The following KNG1 variants were observed in gnomAD, a reference collection of about 807,000 sequenced individuals.
KNG1 encodes the protein kininogen 1.
In KNG1, 23 loss-of-function variants were observed where a neutral mutation model predicts 47.8. The observed-to-expected ratio is 0.48, with a 90% CI of 0.35 to 0.68. KNG1 has a LOEUF of 0.68. Among genes scored for constraint, KNG1 ranks in the 30% least tolerant of loss-of-function variants. KNG1 has a pLI of 0.01. For missense variants in KNG1, 762 were observed against 790.2 expected (o/e 0.96, Z 0.43); for synonymous variants, 277 against 277.0 (o/e 1.00, Z 0.00).
At position 186,720,533 on chromosome 3, in the gene KNG1, G is replaced by C. The variant is rs903185634; in HGVS notation, c.306+318G>C. On this transcript the variant is annotated intron_variant, in intron 2 of 9. Coordinates refer to ENST00000644859, the MANE Select transcript of KNG1 (RefSeq NM_001102416.3). The stretch of plus-strand genomic sequence containing the variant: ...CAAGCCAAAGAGCTGGCGAGGGGAG[G>C]GGGTGGGTGCTTCCATTGCACAACG... 6.8e-5 allele frequency: 24 copies of C among 354,652 alleles called. No homozygotes were observed. The East Asian group carries it at 8.8e-4, about 13-fold the overall frequency. The allele number at this position is 354,652 out of a possible 1,614,324, so 22.0% of individuals were successfully genotyped here. A position where few individuals can be genotyped will look rare whatever the true frequency, so the allele number is the denominator to read the frequency against.
At chr3:186,720,557 C>T (rs2689197) in intron 2 of KNG1, 145,504 of 346,178 alleles carry the variant, frequency 0.42, 32,601 homozygotes, top group South Asian at 0.6. Flanking sequence ...CATTGCACAA[C>T]GTTAAGTGCA....
intron 7 of KNG1, among the ~76,000 whole-genome samples, chr3:186,733,056 G>T (rs1239405747): frequency 2.6e-5 from 4 of 152,046 alleles, no homozygotes; most frequent in Non-Finnish European, 4.4e-5. Context: ...GACCATCCTG[G>T]CCAACATGGT....
intron 1 of KNG1, among the ~76,000 whole-genome samples, chr3:186,719,664 G>C (rs1326618559): frequency 6.6e-6 from 1 of 151,380 alleles, no homozygotes; most frequent in Non-Finnish European, 1.5e-5. Flanking sequence ...GGGAGGCAGA[G>C]CTTGCAGTGA....
At position 186,720,138 on chromosome 3, in the gene KNG1, G is replaced by A. The variant is rs377271899; in HGVS notation, c.229G>A (p.Glu77Lys). Reference sequence around the variant, plus strand: ...TGACACGTTTTATTCCTTCAAGTACGAAATCAAGGAGGGGGATTGTCCTGT... The same window carrying A: ...TGACACGTTTTATTCCTTCAAGTACAAAATCAAGGAGGGGGATTGTCCTGT... ...GSDTFYSFKY[E>K]IKEGDCPVQS... is the part of the protein sequence containing the mutation. Residue 77 changes from glutamate (E) to lysine (K), a missense_variant, in exon 2 of 10, where the codon GAA becomes AAA. Physicochemically the swap from Glu to Lys is moderately conservative, Grantham distance 56. Coordinates refer to ENST00000644859, the MANE Select transcript of KNG1 (RefSeq NM_001102416.3). 7.4e-6 allele frequency: 12 copies of A among 1,613,800 alleles called. No individual in the cohort carries two copies. The highest frequency in any genetic ancestry group is 2.7e-5 in the African/African-American group (2 of 74,892).
chr3:186,743,828 C>A lies in KNG1; in HGVS notation c.*1497C>A, dbSNP rs1253317027. ...CACTCCAGGCACATAGCCCCAACCA[C>A]CTCTGCCAGCAACCTTGAGAGGAAG... is the stretch of plus-strand genomic sequence containing the variant. On this transcript the variant is annotated 3_prime_UTR_variant, in exon 10 of 10. Transcript: ENST00000644859. The A allele has an allele frequency of 1.5e-6, 2 of 1,345,886 alleles. No homozygotes were observed. The highest frequency in any genetic ancestry group is 2.1e-6 in the Non-Finnish European group (2 of 935,486). The allele number at this position is 1,345,886 out of a possible 1,614,324, so 83.4% of individuals were successfully genotyped here.
In KNG1 at chr3:186,741,947, T is replaced by C. The variant is rs1277723031; in HGVS notation, c.1551T>C (p.Asn517=). 6 of 1,614,174 alleles carry C rather than the reference T, an allele frequency of 3.7e-6. No individual in the cohort carries two copies. The East Asian group carries it at 1.1e-4, about 30-fold the overall frequency. Residue 517 remains asparagine, a synonymous_variant, in exon 10 of 10, where the codon AAT becomes AAC. Coordinates refer to ENST00000644859, the MANE Select transcript of KNG1 (RefSeq NM_001102416.3). ...AAGGCAAAAAGAATGGAAAGCACAA[T>C]GGTTGGAAAACAGAGCATTTGGCAA... is the stretch of plus-strand genomic sequence containing the variant. The part of the protein sequence containing the change: ...KNKGKKNGKH[N]GWKTEHLASS...
chr3:186,724,574 A>T (rs1720295563), intron 3 of KNG1, among the ~76,000 whole-genome samples: 2 of 152,000 alleles, frequency 1.3e-5, no homozygotes, highest in African/African-American at 4.8e-5. Flanking sequence ...GCCTACTGAG[A>T]TCATTTGCCC....
chr3:186,724,764 C>T (rs796294338), intron 3 of KNG1, among the ~76,000 whole-genome samples: 8 of 151,976 alleles, frequency 5.3e-5, no homozygotes, highest in African/African-American at 1.4e-4. Context: ...CGCATGATCT[C>T]GGCTCACTGC....
chr3:186,743,646 A>G lies in KNG1; in HGVS notation c.*1315A>G. 7.5e-7 allele frequency: 1 copy of G among 1,331,834 alleles called. No homozygotes were observed. Among genetic ancestry groups the G allele is most frequent in the Admixed American group, 1.7e-5 (1 of 58,630 alleles). 82.5% of individuals were successfully genotyped at this position (1,331,834 alleles called of 1,614,324 possible). ...TCTTACCTTGTCAACTGGTTGCTCC[A>G]CTTTTTAAAAATGATTGAATGATAA... On this transcript the variant is annotated 3_prime_UTR_variant, in exon 10 of 10. Coordinates refer to ENST00000644859, the MANE Select transcript of KNG1 (RefSeq NM_001102416.3).
In KNG1 at chr3:186,717,744, GA is replaced by G. The variant is rs1300562822; in HGVS notation, c.195+9del. Reference sequence around the variant, plus strand: ...AACTGAAGCCACTAAGACGGTGAGTGAATTGTGTTTAACCTTGAAGTCACTT... The same window carrying G: ...AACTGAAGCCACTAAGACGGTGAGTGATTGTGTTTAACCTTGAAGTCACTT... On this transcript the variant is annotated splice_region_variant and intron_variant, in intron 1 of 9. Transcript: ENST00000644859. 25 of 1,608,214 alleles carry G rather than the reference GA, an allele frequency of 1.6e-5. No individual in the cohort carries two copies. Among genetic ancestry groups the G allele is most frequent in the Non-Finnish European group, 2.0e-5 (24 of 1,176,014 alleles).
chr3:186,727,697 A>T (rs1166649622), intron 5 of KNG1, among the ~76,000 whole-genome samples: 1 of 152,030 alleles, frequency 6.6e-6, no homozygotes, highest in Non-Finnish European at 1.5e-5. Context: ...TCAGCCTCCC[A>T]AGTAGCTAGG....
intron 2 of KNG1, among the ~76,000 whole-genome samples, chr3:186,720,764 C>T (rs1441001866): frequency 1.4e-5 from 2 of 146,868 alleles, no homozygotes; most frequent in Non-Finnish European, 3.0e-5. Context: ...CCTGGCACAC[C>T]ATAGCTGGTT....
chr3:186,722,387 C>G, intron 2 of KNG1, 50 bp from the exon 3 acceptor site: 1 of 1,446,844 alleles, frequency 6.9e-7, no homozygotes, highest in Non-Finnish European at 9.7e-7. Flanking sequence ...ATTAGGTAGA[C>G]TTTCCCATCT....
In KNG1 at chr3:186,742,823, T is replaced by C; in HGVS notation, c.*492T>C. On this transcript the variant is annotated 3_prime_UTR_variant, in exon 10 of 10. Coordinates refer to ENST00000644859, the MANE Select transcript of KNG1 (RefSeq NM_001102416.3). Reference sequence around the variant, plus strand: ...ATTGCTTGAACCCGGGAGGCGGAGGTTGCAGTGAGCCGAGATCGTGCCACT... The same window carrying C: ...ATTGCTTGAACCCGGGAGGCGGAGGCTGCAGTGAGCCGAGATCGTGCCACT... The C allele has an allele frequency of 2.1e-6, 2 of 950,722 alleles. No individual in the cohort carries two copies. Among genetic ancestry groups the C allele is most frequent in the Non-Finnish European group, 2.5e-6 (2 of 797,288 alleles). 58.9% of individuals were successfully genotyped at this position (950,722 alleles called of 1,614,324 possible).
intron 1 of KNG1, 126 bp downstream of exon 1, chr3:186,717,863 TCAC>T (rs1560058593): frequency 9.4e-6 from 2 of 212,678 alleles, no homozygotes; most frequent in African/African-American, 1.4e-4. Context: ...CCCACCACCA[TCAC>T]CCACCACCAC....
intron 7 of KNG1, chr3:186,734,601 T>C (rs1488758566): frequency 1.3e-5 from 2 of 151,992 alleles, no homozygotes; most frequent in African/African-American, 4.8e-5. Flanking sequence ...TCTATAATAT[T>C]AGGTTGGTGC....
intron 3 of KNG1, among the ~76,000 whole-genome samples, chr3:186,724,875 G>T (rs1720304811): frequency 6.6e-6 from 1 of 151,822 alleles, no homozygotes; most frequent in African/African-American, 2.4e-5. Flanking sequence ...TTTAAATTTT[G>T]TAATTTTGTA....
chr3:186,732,390 TG>T, intron 6 of KNG1, 111 bp from the exon 7 acceptor site: 1 of 968,440 alleles, frequency 1.0e-6, no homozygotes, highest in Non-Finnish European at 1.7e-6. Context: ...CTACTGGGCC[TG>T]GGCTCCCATG....
chr3:186,719,463 G>A (rs535004825), intron 1 of KNG1, among the ~76,000 whole-genome samples: 1 of 152,238 alleles, frequency 6.6e-6, no homozygotes, highest in Non-Finnish European at 1.5e-5. Context: ...TGCTTGGGCC[G>A]GGCGCGGTGG....
Sources: allele counts gnomAD v4.1 joint callset (sites outside exome capture counted in the v4.1 genomes callset), GRCh38; gene constraint gnomAD v4.1.1; transcripts MANE v1.5; gene names NCBI Gene and HGNC (gene_info 2026-07-23, HGNC 2026-07-21).